The following GNAL variants were observed in gnomAD, a reference collection of about 807,000 sequenced individuals.
GNAL encodes the protein G protein subunit alpha L, also known as guanine nucleotide-binding protein G(olf) subunit alpha.
In GNAL, 18 loss-of-function variants were observed where a neutral mutation model predicts 55.1. That is an observed-to-expected ratio of 0.33 (90% CI 0.23 to 0.48). GNAL has a LOEUF of 0.48. Ranked by LOEUF, GNAL falls within the 20% of genes least tolerant of loss-of-function variation. The pLI is 0.99. For missense variants in GNAL, 412 were observed against 614.1 expected, an observed-to-expected ratio of 0.67 and a Z score of 3.48; for synonymous variants, 253 against 237.0, an observed-to-expected ratio of 1.07 and a Z score of -0.62.
At chr18:11,764,268 C>G (rs919860952) in intron 4 of GNAL, among the ~76,000 whole-genome samples, 7 of 151,962 alleles carry the variant, frequency 4.6e-5, no homozygotes, top group Admixed American at 4.6e-4. Context: ...CCATGCCCAG[C>G]TAATTTTTTT....
intron 1 of GNAL, among the ~76,000 whole-genome samples, chr18:11,747,821 G>A (rs2032724465): frequency 6.6e-6 from 1 of 152,198 alleles, no homozygotes; most frequent in African/African-American, 2.4e-5. Context: ...TCCACGAGGT[G>A]ACCAGGACCT....
chr18:11,813,683 G>C (rs2034880881), intron 4 of GNAL, among the ~76,000 whole-genome samples: 1 of 152,160 alleles, frequency 6.6e-6, no homozygotes, highest in Admixed American at 6.5e-5. Flanking sequence ...GAACAGAATT[G>C]AGAATTCAGA....
intron 5 of GNAL, among the ~76,000 whole-genome samples, chr18:11,831,176 A>G: frequency 6.6e-6 from 1 of 152,302 alleles, no homozygotes; most frequent in East Asian, 1.9e-4. Flanking sequence ...TTTAAAAAAA[A>G]AATGACAGGA....
intron 4 of GNAL, among the ~76,000 whole-genome samples, chr18:11,806,396 C>G (rs543959999): frequency 1.3e-5 from 2 of 152,302 alleles, no homozygotes; most frequent in South Asian, 2.1e-4. Context: ...CTGTTGAGGT[C>G]TTAGTCATGA....
At chr18:11,700,491 T>G (rs2031540791) in intron 1 of GNAL, among the ~76,000 whole-genome samples, 1 of 152,232 alleles carries the variant, frequency 6.6e-6, no homozygotes, top group South Asian at 2.1e-4. Context: ...CACAGGATTG[T>G]TGCCCAGCTG....
At chr18:11,792,457 ATTACAG>A (rs913417787) in intron 4 of GNAL, among the ~76,000 whole-genome samples, 3 of 152,220 alleles carry the variant, frequency 2.0e-5, no homozygotes, top group Non-Finnish European at 2.9e-5. Flanking sequence ...AAGTGCTAGG[ATTACAG>A]GCATAAGCCA....
rs1224986264 is a variant in GNAL, at chr18:11,751,875, G to A, written c.377-978G>A. On this transcript the variant is annotated intron_variant, in intron 1 of 11. Transcript: ENST00000334049. The surrounding 1 kb of genome is among the most constrained non-coding windows in gnomAD (Gnocchi z 4.5). ...CAGACCAGGGAGGGGGCGCACGTCC[G>A]ACGGCTGAGGAATAGCAGGGCGCGA... 6.6e-6 allele frequency among the ~76,000 whole-genome samples: 1 copy of A among 152,174 alleles called. No homozygotes were observed. Among genetic ancestry groups the A allele is most frequent in the Non-Finnish European group, 1.5e-5 (1 of 68,012 alleles).
intron 4 of GNAL, among the ~76,000 whole-genome samples, chr18:11,812,613 G>T (rs778780423): frequency 6.6e-6 from 1 of 152,204 alleles, no homozygotes; most frequent in African/African-American, 2.4e-5. Context: ...GGAGGCCAAG[G>T]TGGGTGGATC....
intron 1 of GNAL, among the ~76,000 whole-genome samples, chr18:11,719,037 T>C (rs2032036054): frequency 6.6e-6 from 1 of 152,026 alleles, no homozygotes; most frequent in Admixed American, 6.6e-5. Context: ...TGGATGTAAA[T>C]AGGAGAGAAG....
chr18:11,885,567 G>A lies in GNAL; in HGVS notation c.*4432G>A. ...GCTACGTGTAGAAGGAGAGAAATTT[G>A]TGTGTGGCTTTTGTAAATTTTGACC... On this transcript the variant is annotated 3_prime_UTR_variant, in exon 12 of 12. Transcript: ENST00000334049. The A allele has an allele frequency of 7.4e-7, 1 of 1,348,180 alleles. No individual in the cohort carries two copies. The highest frequency in any genetic ancestry group is 1.4e-5 in the South Asian group (1 of 73,818). The allele number at this position is 1,348,180 out of a possible 1,614,324, so 83.5% of individuals were successfully genotyped here.
intron 1 of GNAL, among the ~76,000 whole-genome samples, chr18:11,702,587 C>T (rs1469454445): frequency 1.3e-5 from 2 of 152,202 alleles, no homozygotes; most frequent in Non-Finnish European, 2.9e-5. Context: ...ACGTCTACCA[C>T]GTCCCAGGTT....
chr18:11,788,897 G>GGAAAAAAA (rs1385387064), intron 4 of GNAL, among the ~76,000 whole-genome samples: 5 of 82,510 alleles, frequency 6.1e-5, no homozygotes, highest in African/African-American at 3.0e-4. Flanking sequence ...ACTCCGTCTC[G>GGAAAAAAA]AAAAAAAAAA....
intron 4 of GNAL, among the ~76,000 whole-genome samples, chr18:11,764,126 A>G (rs926933110): frequency 6.6e-6 from 1 of 151,740 alleles, no homozygotes; most frequent in African/African-American, 2.4e-5. Context: ...TTTTTTTGAG[A>G]CAGAGTCTTG....
At chr18:11,806,731 C>CTT (rs33956319) in intron 4 of GNAL, among the ~76,000 whole-genome samples, 6,619 of 139,734 alleles carry the variant, frequency 0.047, 186 homozygotes, top group South Asian at 0.088. Flanking sequence ...GTGAAGTACT[C>CTT]TTTTTTTTTT....
In GNAL at chr18:11,787,594, C is replaced by A. The variant is rs149515408; in HGVS notation, c.624+33649C>A. Among the ~76,000 whole-genome samples the A allele has an allele frequency of 5.6e-3, 850 of 152,266 alleles. 8 individuals carry two copies. Among genetic ancestry groups the A allele is most frequent in the African/African-American group, 0.019 (799 of 41,552 alleles). ...CATGTGTATTTAGGAAATATTTGGC[C>A]GGGCGCGGTGGCCCACGCCTGTGTA... is the stretch of plus-strand genomic sequence containing the variant. On this transcript the variant is annotated intron_variant, in intron 4 of 11. Coordinates refer to ENST00000334049, the MANE Select transcript of GNAL (RefSeq NM_182978.4).
chr18:11,742,184 G>T (rs1489820045), intron 1 of GNAL, among the ~76,000 whole-genome samples: 3 of 152,200 alleles, frequency 2.0e-5, no homozygotes, highest in African/African-American at 7.2e-5. Flanking sequence ...ACTGTGCTCA[G>T]CTGAGTGTCA....
chr18:11,857,764 C>G (rs2036042432), intron 5 of GNAL: 1 of 983,128 alleles, frequency 1.0e-6, no homozygotes, highest in African/African-American at 1.7e-5. Flanking sequence ...TGCATTACAA[C>G]TGCCTGGTAC....
At chr18:11,840,369 A>T (rs2035586542) in intron 5 of GNAL, among the ~76,000 whole-genome samples, 1 of 152,250 alleles carries the variant, frequency 6.6e-6, no homozygotes. Flanking sequence ...GACTAAATAT[A>T]TCTTCTAAGA....
intron 5 of GNAL, among the ~76,000 whole-genome samples, chr18:11,831,191 G>A (rs1269154111): frequency 6.6e-6 from 1 of 152,078 alleles, no homozygotes; most frequent in Non-Finnish European, 1.5e-5. Flanking sequence ...ACAGGAGAGG[G>A]AAGAATCCAG....
Sources: gnomAD v4.1 joint callset for allele counts (sites outside exome capture counted in the v4.1 genomes callset) on GRCh38, gnomAD v4.1.1 for gene constraint, Gnocchi (gnomAD v3.1) non-coding constraint, MANE v1.5 for transcripts, NCBI Gene and HGNC (gene_info 2026-07-23, HGNC 2026-07-21) for gene names.